The following ARHGAP24 variants were observed in gnomAD, a reference collection of about 807,000 sequenced individuals.
ARHGAP24 encodes rho GTPase-activating protein 24.
ARHGAP24 carries 50 observed loss-of-function variants against 76.4 expected under a neutral mutation model. That is an observed-to-expected ratio of 0.65 (90% CI 0.52 to 0.83). ARHGAP24 has a LOEUF of 0.83. Among genes scored for constraint, ARHGAP24 ranks in the 40% least tolerant of loss-of-function variants. The pLI, the probability that ARHGAP24 is intolerant of heterozygous loss-of-function variation, is 0.00. For missense variants in ARHGAP24, 930 were observed against 914.2 expected (o/e 1.02, Z -0.22); for synonymous variants, 345 against 323.3 (o/e 1.07, Z -0.72).
chr4:85,954,143 A>G (rs1251622410), intron 5 of ARHGAP24, among the ~76,000 whole-genome samples: 2 of 152,222 alleles, frequency 1.3e-5, no homozygotes, highest in Non-Finnish European at 2.9e-5. Flanking sequence ...AGAAAAAAAG[A>G]TGTTTTGTTT....
chr4:85,924,374 T>C (rs1356781564), intron 4 of ARHGAP24, among the ~76,000 whole-genome samples: 2 of 152,066 alleles, frequency 1.3e-5, no homozygotes, highest in Admixed American at 6.6e-5. Context: ...ATAAAAGATG[T>C]GATCTAGGTA....
intron 3 of ARHGAP24, among the ~76,000 whole-genome samples, chr4:85,894,099 T>TTAA (rs71936795): frequency 7.6e-6 from 1 of 131,352 alleles, no homozygotes; most frequent in African/African-American, 2.8e-5. Context: ...TAGAGTATAA[T>TTAA]AAAAAAAAAA....
intron 2 of ARHGAP24, among the ~76,000 whole-genome samples, chr4:85,683,115 G>C (rs1363105274): frequency 9.8e-6 from 1 of 101,806 alleles, no homozygotes; most frequent in East Asian, 4.6e-4. Flanking sequence ...TGTGTGGGGG[G>C]GTGGGGGGGG....
At chr4:85,851,951 G>A (rs1427183388) in intron 3 of ARHGAP24, among the ~76,000 whole-genome samples, 1 of 152,022 alleles carries the variant, frequency 6.6e-6, no homozygotes, top group Admixed American at 6.6e-5. Context: ...CTCAAGGAGT[G>A]TCTTTGTAGT....
At chr4:85,598,262 C>G (rs1391075276) in intron 2 of ARHGAP24, among the ~76,000 whole-genome samples, 1 of 151,922 alleles carries the variant, frequency 6.6e-6, no homozygotes, top group Non-Finnish European at 1.5e-5. Flanking sequence ...GATAGAAGGT[C>G]TAGAAATATG....
chr4:85,626,969 C>G (rs561835950), intron 2 of ARHGAP24, among the ~76,000 whole-genome samples: 4 of 152,230 alleles, frequency 2.6e-5, no homozygotes, highest in African/African-American at 9.6e-5. Flanking sequence ...TTCTAGTTAT[C>G]CATTCGTCTA....
chr4:85,653,366 GA>G (rs34030831), intron 2 of ARHGAP24, among the ~76,000 whole-genome samples: 1 of 152,162 alleles, frequency 6.6e-6, no homozygotes, highest in Non-Finnish European at 1.5e-5. Context: ...ATGTAGTAGA[GA>G]AAAAGCGAAC....
intron 3 of ARHGAP24, among the ~76,000 whole-genome samples, chr4:85,814,111 G>A (rs1041212961): frequency 1.4e-4 from 22 of 151,766 alleles, no homozygotes; most frequent in African/African-American, 4.4e-4. Context: ...GGGGGAAACC[G>A]CCCCCATGAT....
At chr4:85,779,395 A>G (rs1350828491) in intron 3 of ARHGAP24, among the ~76,000 whole-genome samples, 3 of 152,212 alleles carry the variant, frequency 2.0e-5, no homozygotes, top group African/African-American at 7.2e-5. Flanking sequence ...AGCCAATCAG[A>G]CAAGAGAACC....
At position 85,694,663 on chromosome 4, in the gene ARHGAP24, C is replaced by CTG. The variant is rs986929428; in HGVS notation, c.181-27208_181-27207dup. 1.1e-4 allele frequency among the ~76,000 whole-genome samples: 17 copies of CTG among 151,464 alleles called. No homozygotes were observed. In the East Asian group the frequency reaches 1.4e-3, roughly 12 times the overall value. On this transcript the variant is annotated intron_variant, in intron 2 of 9. Transcript: ENST00000395184. ...GACTTTCCCTCGGCCCCTCCACCCT[C>CTG]TGTGTGTGTGTGTGTATATGTGTTT...
At chr4:85,755,380 C>T (rs1413503880) in intron 3 of ARHGAP24, among the ~76,000 whole-genome samples, 1 of 151,986 alleles carries the variant, frequency 6.6e-6, no homozygotes, top group Admixed American at 6.6e-5. Context: ...AATTTAGATA[C>T]CCCTACACTT....
intron 2 of ARHGAP24, chr4:85,604,334 GACAAATC>G (rs1720123092): frequency 1.3e-5 from 2 of 152,056 alleles, no homozygotes; most frequent in African/African-American, 4.8e-5. Flanking sequence ...ATCTAAATGA[GACAAATC>G]ACTAAAGAAT....
intron 2 of ARHGAP24, among the ~76,000 whole-genome samples, chr4:85,628,003 T>G (rs1326998083): frequency 6.6e-6 from 1 of 152,328 alleles, no homozygotes; most frequent in East Asian, 1.9e-4. Context: ...GGAAAGGGAA[T>G]TCGCTGACCC....
intron 4 of ARHGAP24, chr4:85,931,185 G>C: frequency 1.2e-6 from 1 of 830,594 alleles, no homozygotes; most frequent in Non-Finnish European, 1.8e-6. Flanking sequence ...GCGTATCCTT[G>C]CTTGTCTATA....
At chr4:85,879,293 G>A (rs998595866) in intron 3 of ARHGAP24, among the ~76,000 whole-genome samples, 2 of 152,132 alleles carry the variant, frequency 1.3e-5, no homozygotes, top group Non-Finnish European at 2.9e-5. Flanking sequence ...AATACAAGGT[G>A]AGACGGTTCA....
intron 2 of ARHGAP24, among the ~76,000 whole-genome samples, chr4:85,586,673 G>A (rs1273493109): frequency 2.0e-5 from 3 of 152,136 alleles, no homozygotes; most frequent in African/African-American, 4.8e-5. Flanking sequence ...GCTGAGGCGG[G>A]TGAATCACAA....
At chr4:85,962,586 T>C (rs771542571) in intron 5 of ARHGAP24, among the ~76,000 whole-genome samples, 1 of 152,074 alleles carries the variant, frequency 6.6e-6, no homozygotes, top group Non-Finnish European at 1.5e-5. Flanking sequence ...GTAGGTTATA[T>C]CCACCTGAAA....
At chr4:85,979,938 AT>A (rs1284502043) in intron 8 of ARHGAP24, among the ~76,000 whole-genome samples, 1 of 152,118 alleles carries the variant, frequency 6.6e-6, no homozygotes, top group East Asian at 1.9e-4. Flanking sequence ...TGAATCTCAA[AT>A]TTTCCCATCT....
At chr4:85,521,089 A>G (rs1232607474) in intron 1 of ARHGAP24, among the ~76,000 whole-genome samples, 2 of 152,146 alleles carry the variant, frequency 1.3e-5, no homozygotes, top group African/African-American at 4.8e-5. Flanking sequence ...AGAGTAGCTC[A>G]TGTAAGTCAT....
Sources: gnomAD v4.1 joint callset for allele counts (sites outside exome capture counted in the v4.1 genomes callset) on GRCh38, gnomAD v4.1.1 for gene constraint, MANE v1.5 for transcripts, NCBI Gene and HGNC (gene_info 2026-07-23, HGNC 2026-07-21) for gene names.